CDC42BPA: variants seen among roughly 807,000 people sequenced by gnomAD.
The protein encoded by CDC42BPA is CDC42 binding protein kinase alpha.
A neutral mutation model predicts 223.5 loss-of-function variants in CDC42BPA; 80 were observed. That is an observed-to-expected ratio of 0.36 (90% CI 0.30 to 0.43). The LOEUF (loss-of-function observed/expected upper bound fraction) is 0.43. Ranked by LOEUF, CDC42BPA falls within the 20% of genes least tolerant of loss-of-function variation. The pLI, the probability that CDC42BPA is intolerant of heterozygous loss-of-function variation, is 1.00. For synonymous variants in CDC42BPA, 694 were observed against 718.6 expected (o/e 0.97, Z 0.55); for missense variants, 1,743 against 2,099.9 (o/e 0.83, Z 3.32).
chr1:227,170,014 A>G (rs796960948), intron 5 of CDC42BPA, among the ~76,000 whole-genome samples: 3 of 152,266 alleles, frequency 2.0e-5, no homozygotes, highest in African/African-American at 7.2e-5. Context: ...GGCCTCAATA[A>G]TATCTCTCAC....
intron 1 of CDC42BPA, among the ~76,000 whole-genome samples, chr1:227,280,230 G>A (rs1280917926): frequency 6.6e-6 from 1 of 152,150 alleles, no homozygotes; most frequent in Non-Finnish European, 1.5e-5. Flanking sequence ...GAAAGAAGAC[G>A]GATAAGAATT....
chr1:227,050,319 G>T (rs1209255622), intron 22 of CDC42BPA, among the ~76,000 whole-genome samples: 1 of 152,146 alleles, frequency 6.6e-6, no homozygotes, highest in East Asian at 1.9e-4. Context: ...GTGACTGTGA[G>T]GTGAGGATGT....
intron 15 of CDC42BPA, among the ~76,000 whole-genome samples, chr1:227,099,599 T>C (rs564427495): frequency 6.6e-6 from 1 of 152,296 alleles, no homozygotes; most frequent in African/African-American, 2.4e-5. Flanking sequence ...TTACATGATG[T>C]GGCCCCCTGT....
intron 34 of CDC42BPA, among the ~76,000 whole-genome samples, chr1:227,012,620 T>C (rs1010481951): frequency 1.3e-5 from 2 of 152,166 alleles, no homozygotes; most frequent in African/African-American, 2.4e-5. Context: ...AATTAAAATA[T>C]AAAAATGTCT....
chr1:227,143,398 C>T (rs1019467068), intron 8 of CDC42BPA, among the ~76,000 whole-genome samples: 1 of 152,152 alleles, frequency 6.6e-6, no homozygotes, highest in African/African-American at 2.4e-5. Context: ...TTGAGATGTC[C>T]TATGCTCACA....
At chr1:227,056,795 A>G (rs6696794) in intron 21 of CDC42BPA, among the ~76,000 whole-genome samples, 23,483 of 152,172 alleles carry the variant, frequency 0.15, 2,193 homozygotes, top group African/African-American at 0.25. Flanking sequence ...TATAAACTCA[A>G]ATCTTTTAGT....
rs546461913 is a variant in CDC42BPA, at chr1:227,189,220, A to G, written c.599+4566T>C. Among the ~76,000 whole-genome samples the G allele has an allele frequency of 1.6e-4, 25 of 152,268 alleles. 1 individual carries two copies. In the South Asian group the frequency reaches 4.8e-3, roughly 29 times the overall value. On this transcript the variant is annotated intron_variant, in intron 5 of 36. Coordinates refer to ENST00000366766, the MANE Select transcript of CDC42BPA (RefSeq NM_001394014.1). ...AGCAAATTTAGAAATATATGCTTAT[A>G]CCCCTGCATTTCTTAAATAAAATTT...
Position 227,219,087 on chromosome 1 carries a change from A to C in CDC42BPA, c.271-5868T>G, listed in dbSNP as rs550343963. On this transcript the variant is annotated intron_variant, in intron 2 of 36. Coordinates refer to ENST00000366766, the MANE Select transcript of CDC42BPA (RefSeq NM_001394014.1). ...TAGCACCATCAAAGGTGAATCATGCAATATAACTTCTTACTCTCCCATGAA... is the reference window on the plus strand; with the variant it reads ...TAGCACCATCAAAGGTGAATCATGCCATATAACTTCTTACTCTCCCATGAA... Among the ~76,000 whole-genome samples, 125 of 152,330 alleles carry C rather than the reference A, an allele frequency of 8.2e-4. 1 individual carries two copies. The South Asian group carries it at 8.5e-3, about 10-fold the overall frequency.
chr1:227,236,727 C>T (rs117633699), intron 2 of CDC42BPA, among the ~76,000 whole-genome samples: 2 of 152,108 alleles, frequency 1.3e-5, no homozygotes, highest in African/African-American at 4.8e-5. Context: ...TCACAACCCC[C>T]ACCTTTCCAA....
At chr1:227,043,595 A>G (rs1353810730) in intron 23 of CDC42BPA, among the ~76,000 whole-genome samples, 1 of 152,152 alleles carries the variant, frequency 6.6e-6, no homozygotes, top group African/African-American at 2.4e-5. Flanking sequence ...TCATAAAATA[A>G]TATCAGCTTG....
In CDC42BPA at chr1:226,992,000, G is replaced by T. The variant is rs1423889749; in HGVS notation, c.*2268C>A. ...GGGAGGGTGGGAAGAGTGAGGAGGAGAGGAGGGGAGGGTGGGGAGAGTGAG... is the reference window on the plus strand; with the variant it reads ...GGGAGGGTGGGAAGAGTGAGGAGGATAGGAGGGGAGGGTGGGGAGAGTGAG... On this transcript the variant is annotated 3_prime_UTR_variant, in exon 37 of 37. Transcript: ENST00000366766. 1 of 131,084 alleles carries T rather than the reference G, an allele frequency of 7.6e-6. No homozygotes were observed. Among genetic ancestry groups the T allele is most frequent in the Non-Finnish European group, 1.6e-5 (1 of 60,972 alleles). 8.1% of individuals were successfully genotyped at this position (131,084 alleles called of 1,614,324 possible). A position where few individuals can be genotyped will look rare whatever the true frequency, so the allele number is the denominator to read the frequency against.
intron 5 of CDC42BPA, among the ~76,000 whole-genome samples, chr1:227,187,675 C>CCCCCA (rs1282203815): frequency 6.4e-5 from 1 of 15,564 alleles, no homozygotes; most frequent in African/African-American, 2.6e-4. Context: ...AAATGGCACC[C>CCCCCA]CCCACCCCCC....
chr1:227,249,370 G>C (rs1681565797), intron 2 of CDC42BPA, among the ~76,000 whole-genome samples: 1 of 152,164 alleles, frequency 6.6e-6, no homozygotes, highest in Admixed American at 6.6e-5. Context: ...ACACTGGTCT[G>C]CACAAAAATT....
chr1:227,279,666 C>A (rs1442485020), intron 1 of CDC42BPA, among the ~76,000 whole-genome samples: 1 of 152,120 alleles, frequency 6.6e-6, no homozygotes, highest in Non-Finnish European at 1.5e-5. Context: ...GCTGCCTTAT[C>A]ACCCCAGAAA....
At position 227,112,827 on chromosome 1, in the gene CDC42BPA, T is replaced by C. The variant is rs1349588783; in HGVS notation, c.1734A>G (p.Glu578=). 6.2e-7 allele frequency: 1 copy of C among 1,614,078 alleles called. No individual in the cohort carries two copies. Among genetic ancestry groups the C allele is most frequent in the East Asian group, 2.2e-5 (1 of 44,868 alleles). Residue 578 remains glutamate (E), a synonymous_variant, in exon 13 of 37, where the codon GAA becomes GAG. Coordinates refer to ENST00000366766, the MANE Select transcript of CDC42BPA (RefSeq NM_001394014.1). ...AHCQRKLAMQ[E]FMEINERLTE... is the part of the protein sequence containing the mutation. ...TTAGCCGCTCATTGATCTCCATGAA[T>C]TCCTGCATGGCCAGTTTCCTCTGAC...
intron 1 of CDC42BPA, among the ~76,000 whole-genome samples, chr1:227,269,854 T>C (rs1685674143): frequency 6.6e-6 from 1 of 152,188 alleles, no homozygotes; most frequent in Non-Finnish European, 1.5e-5. Context: ...ACAAGGACTC[T>C]CATATCCCAA....
In CDC42BPA at chr1:227,142,962, A is replaced by G; in HGVS notation, c.1206T>C (p.Phe402=). The G allele has an allele frequency of 6.5e-7, 1 of 1,549,702 alleles. No homozygotes were observed. Among genetic ancestry groups the G allele is most frequent in the South Asian group, 1.3e-5 (1 of 79,808 alleles). Residue 402 remains phenylalanine, a synonymous_variant, in exon 9 of 37, where the codon TTT becomes TTC. Coordinates refer to ENST00000366766, the MANE Select transcript of CDC42BPA (RefSeq NM_001394014.1). ...FSGHHLPFVG[F]TYTSSCVLSD... is the part of the protein sequence containing the mutation. ...AAACTTACCAGCTACTAGTATATGT[A>G]AAACCAACAAATGGCAGATGGTGGC...
In CDC42BPA at chr1:226,994,079, G is replaced by A. The variant is rs1233263608; in HGVS notation, c.*189C>T. The A allele has an allele frequency of 9.1e-6, 5 of 547,294 alleles. No individual in the cohort carries two copies. Among genetic ancestry groups the A allele is most frequent in the Non-Finnish European group, 1.6e-5 (5 of 307,258 alleles). The allele number at this position is 547,294 out of a possible 1,614,324, so 33.9% of individuals were successfully genotyped here. A position where few individuals can be genotyped will look rare whatever the true frequency, so the allele number is the denominator to read the frequency against. ...AAGCTGCTACGGAAAGTCTGTCTTT[G>A]TTGTTGCTGTTAGGCTGGGGGCGTG... On this transcript the variant is annotated 3_prime_UTR_variant, in exon 37 of 37. Coordinates refer to ENST00000366766, the MANE Select transcript of CDC42BPA (RefSeq NM_001394014.1). The surrounding 1 kb of genome is among the most constrained non-coding windows in gnomAD (Gnocchi z 4.0).
At chr1:227,052,903 C>A (rs1052878923) in intron 21 of CDC42BPA, among the ~76,000 whole-genome samples, 8 of 152,136 alleles carry the variant, frequency 5.3e-5, no homozygotes, top group African/African-American at 1.9e-4. Flanking sequence ...GTTGAGACTG[C>A]TGGCAAAGTA....
Sources: gnomAD v4.1 joint callset for allele counts (sites outside exome capture counted in the v4.1 genomes callset) on GRCh38, gnomAD v4.1.1 for gene constraint, Gnocchi (gnomAD v3.1) non-coding constraint, MANE v1.5 for transcripts, NCBI Gene and HGNC (gene_info 2026-07-23, HGNC 2026-07-21) for gene names.